The following SRC variants were observed in gnomAD, a reference collection of about 807,000 sequenced individuals.
The protein encoded by SRC is proto-oncogene tyrosine-protein kinase Src.
Under a neutral mutation model 62.9 loss-of-function variants are expected in SRC, and 13 were observed. The ratio of observed to expected loss-of-function variants is 0.21; its 90% CI spans 0.13 to 0.33. The LOEUF is 0.33. SRC is among the 10% of genes least tolerant of loss of function. The pLI is 1.00. For missense variants in SRC, 457 were observed against 737.3 expected, an observed-to-expected ratio of 0.62 and a Z score of 4.40; for synonymous variants, 302 against 317.5, an observed-to-expected ratio of 0.95 and a Z score of 0.52.
chr20:37,399,314 A>G (rs1436790986), intron 9 of SRC, among the ~76,000 whole-genome samples: 1 of 152,068 alleles, frequency 6.6e-6, no homozygotes, highest in Non-Finnish European at 1.5e-5. Context: ...ACAGTGTCTC[A>G]TTTTGGGGGG....
At chr20:37,346,577 C>T (rs1461647869) in intron 1 of SRC, among the ~76,000 whole-genome samples, 2 of 151,898 alleles carry the variant, frequency 1.3e-5, no homozygotes, top group Admixed American at 6.6e-5. Flanking sequence ...TGGGCCCTAG[C>T]CCCCGGGCCA....
chr20:37,378,341 C>A (rs1264138840), intron 2 of SRC, among the ~76,000 whole-genome samples: 1 of 151,922 alleles, frequency 6.6e-6, no homozygotes, highest in Non-Finnish European at 1.5e-5. Flanking sequence ...TACAGTCTCA[C>A]TATGTTGCCC....
At chr20:37,345,916 C>A (rs967393287), upstream of SRC, among the ~76,000 whole-genome samples, 1 of 152,070 alleles carries the variant, frequency 6.6e-6, no homozygotes, top group African/African-American at 2.4e-5. Flanking sequence ...GTGTCCCCAC[C>A]CCGCCCGGAC....
At chr20:37,373,396 CGT>C (rs1405662777) in intron 2 of SRC, among the ~76,000 whole-genome samples, 10 of 151,396 alleles carry the variant, frequency 6.6e-5, no homozygotes, top group African/African-American at 1.7e-4. Context: ...CACATATATG[CGT>C]ATATATACGC....
intron 1 of SRC, among the ~76,000 whole-genome samples, chr20:37,361,641 C>G (rs1454268242): frequency 6.6e-6 from 1 of 152,220 alleles, no homozygotes; most frequent in Non-Finnish European, 1.5e-5. Context: ...CAAGGCACAT[C>G]AGCCATCACC....
rs1651047469 is a variant in SRC, at chr20:37,404,117, G to A, written c.*738G>A. ...AGCAGTTCAGAGTGGAGGCGGGCTT[G>A]GAACCCGGTGCTCCCTCTGTCATCC... On this transcript the variant is annotated 3_prime_UTR_variant, in exon 14 of 14. Coordinates refer to ENST00000373578, the MANE Select transcript of SRC (RefSeq NM_198291.3). 4.3e-6 allele frequency: 1 copy of A among 233,704 alleles called. No individual in the cohort carries two copies. 14.5% of individuals were successfully genotyped at this position (233,704 alleles called of 1,614,324 possible). A position where few individuals can be genotyped will look rare whatever the true frequency, so the allele number is the denominator to read the frequency against.
intron 2 of SRC, among the ~76,000 whole-genome samples, chr20:37,380,772 T>C (rs1240617634): frequency 1.3e-5 from 2 of 152,176 alleles, no homozygotes; most frequent in African/African-American, 4.8e-5. Context: ...CCGTCTTGCG[T>C]TGCTGTGACG....
upstream of SRC, chr20:37,344,970 G>C (rs1259185492): frequency 6.6e-6 from 1 of 152,316 alleles, no homozygotes; most frequent in East Asian, 1.9e-4. Context: ...ACCTAGATCA[G>C]TGTAGAGTAA....
In SRC at chr20:37,347,458, G is replaced by A. The variant is rs898379733; in HGVS notation, c.-247+1203G>A. On this transcript the variant is annotated intron_variant, in intron 1 of 13. Coordinates refer to ENST00000373578, the MANE Select transcript of SRC (RefSeq NM_198291.3). ...TCAGGCGAAGATTCTAAGCGCTTCT[G>A]CAGGTAGAGGCTTGGCGTGTAGTAG... Among the ~76,000 whole-genome samples the A allele has an allele frequency of 5.3e-5, 8 of 152,370 alleles. No individual in the cohort carries two copies. The East Asian group carries it at 1.2e-3, about 22-fold the overall frequency.
At chr20:37,394,146 G>T in intron 6 of SRC, 28 bp from the exon 7 acceptor site, 1 of 1,600,578 alleles carries the variant, frequency 6.2e-7, no homozygotes, top group Admixed American at 1.7e-5. Context: ...TGGACAGTCA[G>T]CACCATCCTC....
chr20:37,390,748 G>A (rs1160594837), intron 5 of SRC, among the ~76,000 whole-genome samples: 1 of 152,060 alleles, frequency 6.6e-6, no homozygotes, highest in African/African-American at 2.4e-5. Flanking sequence ...TGCTGACCCT[G>A]CAGATGAGGA....
intron 1 of SRC, among the ~76,000 whole-genome samples, chr20:37,347,049 G>A (rs1406719004): frequency 6.6e-6 from 1 of 152,258 alleles, no homozygotes; most frequent in Non-Finnish European, 1.5e-5. Flanking sequence ...GGTGGGCCTG[G>A]CTGGAATTGC....
chr20:37,379,910 AAGG>A (rs2070336845), intron 2 of SRC, among the ~76,000 whole-genome samples: 1 of 146,716 alleles, frequency 6.8e-6, no homozygotes, highest in African/African-American at 2.5e-5. Context: ...AAAAAAAAAA[AAGG>A]AAAAGAAAAA....
Position 37,402,638 on chromosome 20 carries a change from TC to T in SRC, c.1270+53del. ...CGCGCTTGGCCTGGGACAGGTCACG[TC>T]CCGCTCTGAGCCCCAGTTTTTTCCT... is the stretch of plus-strand genomic sequence containing the variant. On this transcript the variant is annotated intron_variant, in intron 12 of 13. Transcript: ENST00000373578. This position sits in a 1 kb window ranked among gnomAD's most constrained non-coding sequence, Gnocchi z 6.2. The T allele has an allele frequency of 6.3e-7, 1 of 1,580,610 alleles. No individual in the cohort carries two copies. The highest frequency in any genetic ancestry group is 8.6e-7 in the Non-Finnish European group (1 of 1,161,014).
intron 4 of SRC, 131 bp from the exon 5 acceptor site, chr20:37,385,944 C>G: frequency 1.4e-6 from 1 of 726,362 alleles, no homozygotes; most frequent in Non-Finnish European, 2.4e-6. Context: ...TTCACTGAAC[C>G]TGACTGTGTC....
chr20:37,384,351 C>T lies in SRC; in HGVS notation c.198C>T (p.Gly66=), dbSNP rs1568634686. The T allele has an allele frequency of 4.1e-6, 6 of 1,465,830 alleles. No homozygotes were observed. The highest frequency in any genetic ancestry group is 5.4e-6 in the Non-Finnish European group (6 of 1,114,066). The allele number at this position is 1,465,830 out of a possible 1,614,324, so 90.8% of individuals were successfully genotyped here. The change falls in exon 4 of 14, where the codon GGC becomes GGT. Residue 66 remains glycine, a synonymous_variant. Coordinates refer to ENST00000373578, the MANE Select transcript of SRC (RefSeq NM_198291.3). The surrounding 1 kb of genome is among the most constrained non-coding windows in gnomAD (Gnocchi z 6.7). ...PAAAEPKLFG[G]FNSSDTVTSP... ...CCGCCGAGCCCAAGCTGTTCGGAGG[C>T]TTCAACTCCTCGGACACCGTCACCT...
At chr20:37,378,761 C>A (rs889156341) in intron 2 of SRC, among the ~76,000 whole-genome samples, 19 of 152,028 alleles carry the variant, frequency 1.2e-4, no homozygotes, top group African/African-American at 4.4e-4. Context: ...CCTCTGGCTG[C>A]GGGGGGAGGG....
chr20:37,345,666 C>T (rs1348845380), upstream of SRC, among the ~76,000 whole-genome samples: 1 of 152,242 alleles, frequency 6.6e-6, no homozygotes, highest in Non-Finnish European at 1.5e-5. Flanking sequence ...GATCTTCCGC[C>T]GCTCAGGCCA....
Position 37,404,089 on chromosome 20 carries a change from C to T in SRC, c.*710C>T, listed in dbSNP as rs566611650. ...CGGGGATGTGACATGCCCAAGGCCA[C>T]GGAGCAGTTCAGAGTGGAGGCGGGC... On this transcript the variant is annotated 3_prime_UTR_variant, in exon 14 of 14. Coordinates refer to ENST00000373578, the MANE Select transcript of SRC (RefSeq NM_198291.3). 2 of 234,004 alleles carry T rather than the reference C, an allele frequency of 8.5e-6. No individual in the cohort carries two copies. Among genetic ancestry groups the T allele is most frequent in the South Asian group, 1.8e-4 (1 of 5,532 alleles). The allele number at this position is 234,004 out of a possible 1,614,324, so 14.5% of individuals were successfully genotyped here.
Sources: allele counts gnomAD v4.1 joint callset (sites outside exome capture counted in the v4.1 genomes callset), GRCh38; gene constraint gnomAD v4.1.1; non-coding constraint Gnocchi (gnomAD v3.1); transcripts MANE v1.5; gene names NCBI Gene and HGNC (gene_info 2026-07-23, HGNC 2026-07-21).